Variants in CCDC57 observed in about 807,000 individuals in gnomAD.
CCDC57 encodes the protein coiled-coil domain containing 57.
Under a neutral mutation model 118.9 loss-of-function variants are expected in CCDC57, and 118 were observed. That is an observed-to-expected ratio of 0.99 (90% CI 0.86 to 1.16). The LOEUF (loss-of-function observed/expected upper bound fraction) is 1.16. CCDC57 is among the 50% of genes most tolerant of loss of function. CCDC57 has a pLI of 0.00. For synonymous variants in CCDC57, 527 were observed against 532.9 expected (o/e 0.99, Z 0.15); for missense variants, 1,300 against 1,320.7 (o/e 0.98, Z 0.24).
chr17:82,178,445 GTT>G (rs1356059728), intron 11 of CCDC57, 27 bp downstream of exon 10: 3 of 1,570,340 alleles, frequency 1.9e-6, no homozygotes, highest in Non-Finnish European at 2.6e-6. Flanking sequence ...GTTGAGCAAA[GTT>G]TCAAAGAGCC....
intron 7 of CCDC57, among the ~76,000 whole-genome samples, chr17:82,189,751 G>C (rs1346139839): frequency 6.6e-6 from 1 of 152,214 alleles, no homozygotes; most frequent in Non-Finnish European, 1.5e-5. Context: ...TACTCGGGAG[G>C]CTGAGGCAGG....
chr17:82,197,538 T>C (rs2048469717), intron 4 of CCDC57, among the ~76,000 whole-genome samples: 2 of 152,274 alleles, frequency 1.3e-5, no homozygotes, highest in South Asian at 4.1e-4. Flanking sequence ...TTCTTTTCCA[T>C]AGTAAATAAT....
At chr17:82,205,026 T>A (rs1229919987) in intron 2 of CCDC57, among the ~76,000 whole-genome samples, 2 of 152,222 alleles carry the variant, frequency 1.3e-5, no homozygotes, top group Non-Finnish European at 2.9e-5. Flanking sequence ...CACCCCAGTG[T>A]CGGGTGTAGT....
chr17:82,189,443 G>A (rs569435760), intron 7 of CCDC57, among the ~76,000 whole-genome samples: 35 of 152,192 alleles, frequency 2.3e-4, no homozygotes, highest in Middle Eastern at 3.2e-3. Context: ...CTGGGACTGA[G>A]AGAGTGAACA....
At position 82,163,683 on chromosome 17, in the gene CCDC57, A is replaced by G. The variant is rs535319854; in HGVS notation, c.1883-326T>C. On this transcript the variant is annotated intron_variant, in intron 13 of 19. Transcript: ENST00000665763. ...ACTTGCTTGGAAATGAAGAAAAAAG[A>G]TGCCACATAACACAGGGTCAAAGAA... Among the ~76,000 whole-genome samples, 3 of 148,104 alleles carry G rather than the reference A, an allele frequency of 2.0e-5. No homozygotes were observed. In the East Asian group the frequency reaches 6.4e-4, roughly 31 times the overall value.
At chr17:82,103,489 C>G (rs1354747090) in intron 19 of CCDC57, among the ~76,000 whole-genome samples, 2 of 152,236 alleles carry the variant, frequency 1.3e-5, no homozygotes, top group African/African-American at 4.8e-5. Flanking sequence ...CCCCACCCCC[C>G]ACACTGGCTG....
intron 17 of CCDC57, among the ~76,000 whole-genome samples, chr17:82,132,759 CT>C (rs71166188): frequency 0.21 from 25,271 of 122,462 alleles, 1,663 homozygotes; most frequent in Non-Finnish European, 0.27. Flanking sequence ...GACAACCTTG[CT>C]TTTTTTTTTT....
chr17:82,175,084 T>C (rs2045297527), intron 11 of CCDC57, among the ~76,000 whole-genome samples: 1 of 152,242 alleles, frequency 6.6e-6, no homozygotes, highest in Non-Finnish European at 1.5e-5. Flanking sequence ...AGGTGCGTTA[T>C]GGTGTGGCCG....
chr17:82,113,818 C>T, intron 19 of CCDC57: 1 of 611,900 alleles, frequency 1.6e-6, no homozygotes, highest in Non-Finnish European at 2.9e-6. Flanking sequence ...TGGTGATGTG[C>T]ACCTGTAGTC....
chr17:82,208,761 C>G (rs1395313429), intron 1 of CCDC57, among the ~76,000 whole-genome samples: 1 of 152,080 alleles, frequency 6.6e-6, no homozygotes, highest in Non-Finnish European at 1.5e-5. Context: ...GTCTTGAACT[C>G]CTGGCCTCAA....
chr17:82,180,127 C>T lies in CCDC57; in HGVS notation c.1212-938G>A, dbSNP rs145303887. Among the ~76,000 whole-genome samples the T allele has an allele frequency of 2.3e-3, 343 of 152,328 alleles. 2 individuals are homozygous for T. Among genetic ancestry groups the T allele is most frequent in the Admixed American group, 5.6e-3 (85 of 15,308 alleles). On this transcript the variant is annotated intron_variant, in intron 9 of 19. Coordinates refer to ENST00000665763, the Ensembl canonical transcript of CCDC57. Reference sequence around the variant, plus strand: ...GTTCGAATGATAGCAATTGAGCCACCGTGTTGTGAGAGGGTCCCTGGAGGG... The same window carrying T: ...GTTCGAATGATAGCAATTGAGCCACTGTGTTGTGAGAGGGTCCCTGGAGGG...
At chr17:82,134,302 A>C in intron 16 of CCDC57, 108 bp from the exon 16 acceptor site, 1 of 1,113,228 alleles carries the variant, frequency 9.0e-7, no homozygotes, top group Non-Finnish European at 1.2e-6. Context: ...TTCAAAACCA[A>C]AGTAACTTCC....
intron 13 of CCDC57, 125 bp from the exon 13 acceptor site, chr17:82,163,482 T>C (rs34867501): frequency 0.46 from 512,647 of 1,117,774 alleles, 123,520 homozygotes; most frequent in East Asian, 0.89. Flanking sequence ...CTGACCCCAA[T>C]GCGAAGCTGT....
intron 15 of CCDC57, chr17:82,155,650 A>G (rs1598989350): frequency 3.3e-5 from 5 of 152,120 alleles, no homozygotes; most frequent in Admixed American, 3.3e-4. Context: ...TTCTCTCTAT[A>G]CCCAACATAA....
At chr17:82,194,231 A>G in intron 5 of CCDC57, 92 bp from the exon 5 acceptor site, 1 of 1,331,124 alleles carries the variant, frequency 7.5e-7, no homozygotes, top group South Asian at 1.4e-5. Context: ...CAGGATTGGG[A>G]GGGAGAAGAA....
intron 15 of CCDC57, among the ~76,000 whole-genome samples, chr17:82,152,962 C>T (rs2042238181): frequency 1.3e-5 from 2 of 152,206 alleles, no homozygotes; most frequent in Non-Finnish European, 2.9e-5. Flanking sequence ...AGAGAAAGTT[C>T]TATGGTGCCG....
intron 19 of CCDC57, among the ~76,000 whole-genome samples, chr17:82,116,938 C>T (rs1050362156): frequency 3.9e-5 from 6 of 152,232 alleles, no homozygotes; most frequent in Admixed American, 6.5e-5. Flanking sequence ...TCACAACAAA[C>T]GCCCATTTTT....
intron 17 of CCDC57, 120 bp downstream of exon 16, chr17:82,133,953 G>T: frequency 3.0e-6 from 3 of 1,008,210 alleles, no homozygotes; most frequent in Non-Finnish European, 4.0e-6. Context: ...ACTATATCTG[G>T]ATCCTGAAAA....
At chr17:82,151,215 ACC>A (rs2041996648) in intron 16 of CCDC57, among the ~76,000 whole-genome samples, 1 of 42,060 alleles carries the variant, frequency 2.4e-5, no homozygotes, top group African/African-American at 9.1e-5. Flanking sequence ...CCAGAACCTG[ACC>A]CACACCCAGA....
Sources: allele counts gnomAD v4.1 joint callset (sites outside exome capture counted in the v4.1 genomes callset), GRCh38; gene constraint gnomAD v4.1.1; transcripts MANE v1.5; gene names NCBI Gene and HGNC (gene_info 2026-07-23, HGNC 2026-07-21).